Variants in PDE4D observed in about 807,000 individuals in gnomAD.
The protein encoded by PDE4D is phosphodiesterase 4D.
Under a neutral mutation model 87.4 loss-of-function variants are expected in PDE4D, and 24 were observed. The ratio of observed to expected loss-of-function variants is 0.27; its 90% CI spans 0.20 to 0.39. The LOEUF (loss-of-function observed/expected upper bound fraction) is 0.39. PDE4D is among the 10% of genes least tolerant of loss of function. The pLI is 1.00. For missense variants in PDE4D, 714 were observed against 1,041.0 expected (o/e 0.69, Z 4.32); for synonymous variants, 384 against 383.2 (o/e 1.00, Z -0.02).
At chr5:59,395,699 C>T in intron 1 of PDE4D, among the ~76,000 whole-genome samples, 1 of 136,448 alleles carries the variant, frequency 7.3e-6, no homozygotes, top group Non-Finnish European at 1.6e-5. Context: ...AGGAACGCAG[C>T]TCCTCACCAG....
intron 1 of PDE4D, among the ~76,000 whole-genome samples, chr5:59,475,166 C>T (rs1007890916): frequency 7.6e-5 from 9 of 117,950 alleles, no homozygotes; most frequent in African/African-American, 3.8e-4. Flanking sequence ...CACTGGCAAC[C>T]GTTAGAGAAT....
chr5:59,595,942 A>G (rs527371861), intron 1 of PDE4D, among the ~76,000 whole-genome samples: 1 of 152,138 alleles, frequency 6.6e-6, no homozygotes, highest in South Asian at 2.1e-4. Flanking sequence ...TCCACCATAT[A>G]TATTGTCAAT....
At chr5:59,734,224 T>C (rs2150625344) in intron 1 of PDE4D, among the ~76,000 whole-genome samples, 1 of 152,072 alleles carries the variant, frequency 6.6e-6, no homozygotes, top group Admixed American at 6.6e-5. Flanking sequence ...TAAACTATGC[T>C]CAAACCATGG....
intron 1 of PDE4D, among the ~76,000 whole-genome samples, chr5:59,753,452 C>A: frequency 6.6e-6 from 1 of 152,006 alleles, no homozygotes; most frequent in Admixed American, 6.6e-5. Context: ...TGGTTTTGTG[C>A]GTGTTAAATA....
intron 1 of PDE4D, among the ~76,000 whole-genome samples, chr5:59,748,455 GA>G (rs1561586834): frequency 6.6e-6 from 1 of 152,154 alleles, no homozygotes; most frequent in African/African-American, 2.4e-5. Context: ...TATACACCAT[GA>G]AATACTATGC....
At chr5:59,302,062 T>C (rs1770368286) in intron 1 of PDE4D, among the ~76,000 whole-genome samples, 1 of 152,140 alleles carries the variant, frequency 6.6e-6, no homozygotes, top group Non-Finnish European at 1.5e-5. Context: ...TTGCCTGATA[T>C]GTGACCTTCC....
intron 3 of PDE4D, among the ~76,000 whole-genome samples, chr5:59,969,938 G>A (rs1352481382): frequency 6.6e-6 from 1 of 152,124 alleles, no homozygotes; most frequent in Non-Finnish European, 1.5e-5. Context: ...CACTTCTCAA[G>A]TACTTCACAC....
At chr5:59,739,497 C>CTTTT (rs2150661150) in intron 1 of PDE4D, among the ~76,000 whole-genome samples, 1 of 152,174 alleles carries the variant, frequency 6.6e-6, no homozygotes, top group South Asian at 2.1e-4. Flanking sequence ...GTACAATTCA[C>CTTTT]AATAGAAAAT....
chr5:59,329,558 T>TCAATA (rs771429368), intron 1 of PDE4D, among the ~76,000 whole-genome samples: 6 of 152,172 alleles, frequency 3.9e-5, no homozygotes, highest in Non-Finnish European at 8.8e-5. Flanking sequence ...TCAATAAGCA[T>TCAATA]AGTGTAATGT....
At chr5:59,895,957 T>A (rs1215406341), upstream of PDE4D, among the ~76,000 whole-genome samples, 4 of 152,240 alleles carry the variant, frequency 2.6e-5, no homozygotes, top group Non-Finnish European at 4.4e-5. Flanking sequence ...ACTATGTAAT[T>A]GCAAGTCAGG....
At position 58,972,593 on chromosome 5, in the gene PDE4D, G is replaced by A. The variant is rs1340463603; in HGVS notation, c.*2071C>T. 7.9e-5 allele frequency: 12 copies of A among 152,110 alleles called. No individual in the cohort carries two copies. The East Asian group carries it at 1.7e-3, about 22-fold the overall frequency. The allele number at this position is 152,110 out of a possible 1,614,324, so 9.4% of individuals were successfully genotyped here. ...TTCAGAGTTGTAATTCTTCTTAAAC[G>A]TTTGATTTTCCACTTGTCAGATACC... On this transcript the variant is annotated 3_prime_UTR_variant, in exon 15 of 15. Coordinates refer to ENST00000340635, the MANE Select transcript of PDE4D (RefSeq NM_001104631.2).
At chr5:60,222,360 C>T (rs377118652) in intron 1 of PDE4D, among the ~76,000 whole-genome samples, 8 of 152,172 alleles carry the variant, frequency 5.3e-5, no homozygotes, top group African/African-American at 1.7e-4. Context: ...CAACATATTA[C>T]CTGAAATCTC....
intron 1 of PDE4D, among the ~76,000 whole-genome samples, chr5:60,506,054 C>T (rs1219604996): frequency 6.6e-6 from 1 of 152,242 alleles, no homozygotes; most frequent in Non-Finnish European, 1.5e-5. Flanking sequence ...GAACATTCCT[C>T]TCCTCTGCAT....
intron 1 of PDE4D, among the ~76,000 whole-genome samples, chr5:59,477,308 C>T (rs1285447723): frequency 1.4e-5 from 2 of 138,384 alleles, no homozygotes; most frequent in Non-Finnish European, 3.0e-5. Flanking sequence ...AAAATATTAA[C>T]TAACCTGCAC....
chr5:60,293,808 A>G (rs1417944262), intron 1 of PDE4D, among the ~76,000 whole-genome samples: 1 of 152,148 alleles, frequency 6.6e-6, no homozygotes. Flanking sequence ...ACTCCATTGT[A>G]TAACTGTGAC....
intron 2 of PDE4D, among the ~76,000 whole-genome samples, chr5:60,107,389 C>G (rs1259351426): frequency 6.6e-6 from 1 of 152,084 alleles, no homozygotes; most frequent in Non-Finnish European, 1.5e-5. Flanking sequence ...CAAAAAGAGT[C>G]CAGGACCAGA....
intron 1 of PDE4D, among the ~76,000 whole-genome samples, chr5:59,286,089 T>C (rs985236842): frequency 2.6e-5 from 4 of 152,174 alleles, no homozygotes; most frequent in South Asian, 2.1e-4. Flanking sequence ...TGTATATCCA[T>C]GTACTGGATG....
At chr5:59,917,043 A>G (rs902177103) in intron 3 of PDE4D, among the ~76,000 whole-genome samples, 1 of 136,384 alleles carries the variant, frequency 7.3e-6, no homozygotes, top group African/African-American at 2.8e-5. Flanking sequence ...GTCTCAAGTG[A>G]TCCATCTGCC....
chr5:60,300,627 G>A (rs1029589311), intron 1 of PDE4D, among the ~76,000 whole-genome samples: 10 of 152,028 alleles, frequency 6.6e-5, no homozygotes, highest in South Asian at 4.1e-4. Flanking sequence ...TGGCTAGCCC[G>A]TTCTCCCACC....
Sources: gnomAD v4.1 joint callset for allele counts (sites outside exome capture counted in the v4.1 genomes callset) on GRCh38, gnomAD v4.1.1 for gene constraint, MANE v1.5 for transcripts, NCBI Gene and HGNC (gene_info 2026-07-23, HGNC 2026-07-21) for gene names.